TMTC2: variants seen among roughly 807,000 people sequenced by gnomAD.
The protein encoded by TMTC2 is transmembrane O-mannosyltransferase targeting cadherins 2.
Under a neutral mutation model 82.4 loss-of-function variants are expected in TMTC2, and 43 were observed. The ratio of observed to expected loss-of-function variants is 0.52; its 90% CI spans 0.41 to 0.67. TMTC2 has a LOEUF of 0.67. Among genes scored for constraint, TMTC2 ranks in the 30% least tolerant of loss-of-function variants. TMTC2 has a pLI of 0.00. For missense variants in TMTC2, 919 were observed against 1,012.4 expected (o/e 0.91, Z 1.25); for synonymous variants, 408 against 381.9 (o/e 1.07, Z -0.80).
intron 1 of TMTC2, among the ~76,000 whole-genome samples, chr12:82,836,135 A>G (rs1870027539): frequency 7.4e-6 from 1 of 134,808 alleles, no homozygotes; most frequent in Non-Finnish European, 1.5e-5. Flanking sequence ...ATGCCTCTGG[A>G]GAATGGAATA....
chr12:83,132,853 C>T lies in TMTC2; in HGVS notation c.*464C>T, dbSNP rs974495340. 6.4e-6 allele frequency: 1 copy of T among 157,394 alleles called. No homozygotes were observed. The highest frequency in any genetic ancestry group is 1.4e-5 in the Non-Finnish European group (1 of 71,674). 9.7% of individuals were successfully genotyped at this position (157,394 alleles called of 1,614,324 possible). On this transcript the variant is annotated 3_prime_UTR_variant, in exon 12 of 12. Coordinates refer to ENST00000321196, the MANE Select transcript of TMTC2 (RefSeq NM_152588.3). Reference sequence around the variant, plus strand: ...TGAGTCCCAGTGAGCCGCCGGTTGTCCTAACGCTGCTGTCTTCCCTGTTTG... The same window carrying T: ...TGAGTCCCAGTGAGCCGCCGGTTGTTCTAACGCTGCTGTCTTCCCTGTTTG...
chr12:82,965,004 T>G lies in TMTC2; in HGVS notation c.1599-20T>G. On this transcript the variant is annotated intron_variant, in intron 4 of 11. Transcript: ENST00000321196. Reference sequence around the variant, plus strand: ...ATAATAATACAGTCCTTTCTCTAAATTTCTGTTTTCCTCATGCAGAGGGCT... The same window carrying G: ...ATAATAATACAGTCCTTTCTCTAAAGTTCTGTTTTCCTCATGCAGAGGGCT... 1 of 1,583,386 alleles carries G rather than the reference T, an allele frequency of 6.3e-7. No individual in the cohort carries two copies. The highest frequency in any genetic ancestry group is 8.6e-7 in the Non-Finnish European group (1 of 1,159,120).
intron 1 of TMTC2, among the ~76,000 whole-genome samples, chr12:82,703,572 C>T (rs1014567509): frequency 1.3e-5 from 2 of 150,558 alleles, no homozygotes; most frequent in Non-Finnish European, 2.9e-5. Flanking sequence ...GATCTCGGCT[C>T]ACTGCAAGCT....
At chr12:82,904,672 G>A (rs932771311) in intron 3 of TMTC2, among the ~76,000 whole-genome samples, 4 of 152,180 alleles carry the variant, frequency 2.6e-5, no homozygotes, top group African/African-American at 9.7e-5. Context: ...CATTATATCT[G>A]AAAGTGTTTC....
chr12:82,731,294 G>A lies in TMTC2; in HGVS notation c.83+43625G>A, dbSNP rs117668090. On this transcript the variant is annotated intron_variant, in intron 1 of 11. Coordinates refer to ENST00000321196, the MANE Select transcript of TMTC2 (RefSeq NM_152588.3). ...CGCTGAACTGAGCAAATGTTTCTGC[G>A]TAGGTTGCCAACGTGGGGCTCCAGA... Among the ~76,000 whole-genome samples, 315 of 152,354 alleles carry A rather than the reference G, an allele frequency of 2.1e-3. 1 individual carries two copies. Among genetic ancestry groups the A allele is most frequent in the Admixed American group, 4.2e-3 (64 of 15,302 alleles).
intron 1 of TMTC2, among the ~76,000 whole-genome samples, chr12:82,810,406 A>AT (rs556332873): frequency 6.7e-6 from 1 of 149,768 alleles, no homozygotes; most frequent in African/African-American, 2.4e-5. Context: ...AATTATTTTT[A>AT]TTTTTTTTAT....
intron 4 of TMTC2, among the ~76,000 whole-genome samples, chr12:82,943,587 T>A (rs1876837614): frequency 6.6e-6 from 1 of 152,196 alleles, no homozygotes. Flanking sequence ...AGTTTAGCTC[T>A]CAAGGTGAAA....
intron 3 of TMTC2, among the ~76,000 whole-genome samples, chr12:82,907,234 C>G (rs934913291): frequency 6.6e-6 from 1 of 151,658 alleles, no homozygotes; most frequent in African/African-American, 2.4e-5. Context: ...GAGGCCAAGT[C>G]GGGTGAATCA....
intron 11 of TMTC2, among the ~76,000 whole-genome samples, chr12:83,089,327 T>C (rs1883762881): frequency 6.6e-6 from 1 of 152,218 alleles, no homozygotes; most frequent in Non-Finnish European, 1.5e-5. Context: ...TAACTTGATT[T>C]CTTCATTATA....
intron 11 of TMTC2, among the ~76,000 whole-genome samples, chr12:83,097,803 A>C (rs1257009940): frequency 6.6e-6 from 1 of 152,232 alleles, no homozygotes; most frequent in Admixed American, 6.5e-5. Flanking sequence ...ATATATGCGC[A>C]TGCACAGGAA....
intron 1 of TMTC2, among the ~76,000 whole-genome samples, chr12:82,767,050 G>A (rs1394697912): frequency 1.3e-5 from 2 of 152,048 alleles, no homozygotes; most frequent in Non-Finnish European, 2.9e-5. Context: ...TATTGGCTCT[G>A]TATGTGAAGG....
chr12:82,694,001 G>A lies in TMTC2; in HGVS notation c.83+6332G>A, dbSNP rs1592852576. ...AAAAAAAAAAAAAAAAGGTGTAAAT[G>A]TTTGCTTCAGTCTTTTAGAAGCATT... is the stretch of plus-strand genomic sequence containing the variant. On this transcript the variant is annotated intron_variant, in intron 1 of 11. Transcript: ENST00000321196. Among the ~76,000 whole-genome samples, 5 of 142,878 alleles carry A rather than the reference G, an allele frequency of 3.5e-5. No individual in the cohort carries two copies. In the East Asian group the frequency reaches 8.5e-4, roughly 24 times the overall value. The allele number at this position is 142,878 out of a possible 152,430, so 93.7% of individuals were successfully genotyped here.
intron 2 of TMTC2, among the ~76,000 whole-genome samples, chr12:82,885,701 C>A (rs1873064098): frequency 6.6e-6 from 1 of 152,106 alleles, no homozygotes; most frequent in East Asian, 1.9e-4. Flanking sequence ...GAAGAACATA[C>A]ATGTAAAATA....
intron 11 of TMTC2, among the ~76,000 whole-genome samples, chr12:83,105,358 G>T (rs541999415): frequency 6.6e-6 from 1 of 152,220 alleles, no homozygotes; most frequent in African/African-American, 2.4e-5. Context: ...GGCCATTCTT[G>T]CATTGCTATG....
At chr12:82,773,646 A>T (rs1443791751) in intron 1 of TMTC2, among the ~76,000 whole-genome samples, 2 of 151,788 alleles carry the variant, frequency 1.3e-5, no homozygotes, top group Non-Finnish European at 2.9e-5. Context: ...TTTTTAGTAG[A>T]GACGGGGTTT....
chr12:82,941,719 A>G (rs1233604115), intron 4 of TMTC2, among the ~76,000 whole-genome samples: 2 of 152,120 alleles, frequency 1.3e-5, no homozygotes, highest in Non-Finnish European at 1.5e-5. Flanking sequence ...TTGTTATTGT[A>G]TACCTACTGA....
At position 82,798,807 on chromosome 12, in the gene TMTC2, C is replaced by CA. The variant is rs544522111; in HGVS notation, c.84-58187dup. On this transcript the variant is annotated intron_variant, in intron 1 of 11. Coordinates refer to ENST00000321196, the MANE Select transcript of TMTC2 (RefSeq NM_152588.3). ...GGGCAACAAGAGGGTAACTCCGTCT[C>CA]AAAAAAAAAAAAAAAAGGATGTAAA... Among the ~76,000 whole-genome samples the CA allele has an allele frequency of 4.7e-3, 415 of 88,240 alleles. 4 individuals carry two copies. Among genetic ancestry groups the CA allele is most frequent in the East Asian group, 0.035 (108 of 3,048 alleles). 57.9% of individuals were successfully genotyped at this position (88,240 alleles called of 152,430 possible). A position where few individuals can be genotyped will look rare whatever the true frequency, so the allele number is the denominator to read the frequency against.
At chr12:82,736,455 T>C (rs532019299) in intron 1 of TMTC2, among the ~76,000 whole-genome samples, 15 of 152,242 alleles carry the variant, frequency 9.9e-5, no homozygotes, top group Non-Finnish European at 2.1e-4. Flanking sequence ...CTTTTTTGTT[T>C]GATTCCTCTG....
At chr12:82,691,328 A>AT (rs111797688) in intron 1 of TMTC2, among the ~76,000 whole-genome samples, 16,547 of 152,108 alleles carry the variant, frequency 0.11, 1,053 homozygotes, top group East Asian at 0.24. Context: ...CTGTGCAGTA[A>AT]TTTTTTGAAA....
Sources: gnomAD v4.1 joint callset for allele counts (sites outside exome capture counted in the v4.1 genomes callset) on GRCh38, gnomAD v4.1.1 for gene constraint, MANE v1.5 for transcripts, NCBI Gene and HGNC (gene_info 2026-07-23, HGNC 2026-07-21) for gene names.